Variants in SHROOM3 observed in about 807,000 individuals in gnomAD.
The protein encoded by SHROOM3 is shroom family member 3.
SHROOM3 carries 47 observed loss-of-function variants against 138.6 expected under a neutral mutation model. That is an observed-to-expected ratio of 0.34 (90% CI 0.27 to 0.43). The LOEUF (loss-of-function observed/expected upper bound fraction) is 0.43, where lower values mean the gene tolerates loss of function less well. Ranked by LOEUF, SHROOM3 falls within the 20% of genes least tolerant of loss-of-function variation. The pLI, the probability that SHROOM3 is intolerant of heterozygous loss-of-function variation, is 1.00. For missense variants in SHROOM3, 2,491 were observed against 2,596.5 expected (o/e 0.96, Z 0.88); for synonymous variants, 1,062 against 1,063.3 (o/e 1.00, Z 0.02).
At position 76,675,674 on chromosome 4, in the gene SHROOM3, A is replaced by C. The variant is rs145490172; in HGVS notation, c.324-34482A>C. ...GGAATTCAAGACCAGCCTAGGCAACATAGAGGCCCCATTTTTATAAAAAAT... is the reference window on the plus strand; with the variant it reads ...GGAATTCAAGACCAGCCTAGGCAACCTAGAGGCCCCATTTTTATAAAAAAT... On this transcript the variant is annotated intron_variant, in intron 2 of 10. Coordinates refer to ENST00000296043, the MANE Select transcript of SHROOM3 (RefSeq NM_020859.4). 3.3e-5 allele frequency among the ~76,000 whole-genome samples: 5 copies of C among 152,334 alleles called. No individual in the cohort carries two copies. In the East Asian group the frequency reaches 7.7e-4, roughly 23 times the overall value.
intron 2 of SHROOM3, among the ~76,000 whole-genome samples, chr4:76,646,225 A>AATAAATATATATAT (rs61374645): frequency 0.034 from 3,281 of 95,986 alleles, 146 homozygotes; most frequent in African/African-American, 0.044. Context: ...ATAATAAATA[A>AATAAATATATATAT]ATATATATAT....
intron 1 of SHROOM3, among the ~76,000 whole-genome samples, chr4:76,535,686 C>T (rs147883274): frequency 6.6e-6 from 1 of 152,230 alleles, no homozygotes. Flanking sequence ...CAGCCCCTCA[C>T]TTATGGTTCA....
chr4:76,716,498 T>C (rs1180438233), intron 3 of SHROOM3: 1 of 507,000 alleles, frequency 2.0e-6, no homozygotes, highest in Non-Finnish European at 4.0e-6. Context: ...GTCTTTTTGA[T>C]ATTGTGCTAT....
intron 1 of SHROOM3, among the ~76,000 whole-genome samples, chr4:76,487,611 C>T (rs1413785562): frequency 2.7e-5 from 4 of 150,126 alleles, no homozygotes; most frequent in Admixed American, 2.6e-4. Context: ...TTACAATCCC[C>T]ATCCATGTTG....
At chr4:76,574,950 C>T (rs192698750) in intron 2 of SHROOM3, among the ~76,000 whole-genome samples, 5 of 152,248 alleles carry the variant, frequency 3.3e-5, no homozygotes, top group East Asian at 1.9e-4. Context: ...CCTTAAAAAA[C>T]GGGTATACCA....
intron 2 of SHROOM3, among the ~76,000 whole-genome samples, chr4:76,674,517 CTCTT>C (rs1463038012): frequency 1.4e-5 from 2 of 147,712 alleles, no homozygotes; most frequent in Non-Finnish European, 3.0e-5. Context: ...TTTCTTCTCT[CTCTT>C]TCTCTTTCTT....
intron 2 of SHROOM3, among the ~76,000 whole-genome samples, chr4:76,574,090 A>C (rs556206889): frequency 6.6e-6 from 1 of 151,288 alleles, no homozygotes; most frequent in East Asian, 1.9e-4. Context: ...GAGAAATCAG[A>C]ACTTGGTCCT....
intron 1 of SHROOM3, among the ~76,000 whole-genome samples, chr4:76,466,291 A>G (rs1731248342): frequency 6.6e-6 from 1 of 152,262 alleles, no homozygotes; most frequent in Admixed American, 6.5e-5. Flanking sequence ...AGAGGGCATT[A>G]TCACAGCCTA....
rs1029097072 is a variant in SHROOM3, at chr4:76,724,471, T to C, written c.456-6333T>C. 2.0e-5 allele frequency among the ~76,000 whole-genome samples: 3 copies of C among 152,320 alleles called. No individual in the cohort carries two copies. The South Asian group carries it at 6.2e-4, about 32-fold the overall frequency. Reference sequence around the variant, plus strand: ...TTTTAACTCTCAAGCTACAGTGAATTGTATTTTCAAAATGAAAGACTATTT... The same window carrying C: ...TTTTAACTCTCAAGCTACAGTGAATCGTATTTTCAAAATGAAAGACTATTT... On this transcript the variant is annotated intron_variant, in intron 3 of 10. Coordinates refer to ENST00000296043, the MANE Select transcript of SHROOM3 (RefSeq NM_020859.4).
At chr4:76,629,135 C>T (rs913721421) in intron 2 of SHROOM3, among the ~76,000 whole-genome samples, 1 of 152,188 alleles carries the variant, frequency 6.6e-6, no homozygotes, top group African/African-American at 2.4e-5. Context: ...TGTGAACCAC[C>T]ACGCCCAGCT....
chr4:76,502,892 T>G (rs7696172), intron 1 of SHROOM3, among the ~76,000 whole-genome samples: 26,790 of 152,134 alleles, frequency 0.18, 2,746 homozygotes, highest in African/African-American at 0.27. Context: ...TTATTTAAAA[T>G]ATTCTCTTTT....
chr4:76,534,394 TTGTC>T (rs1319562433), intron 1 of SHROOM3, among the ~76,000 whole-genome samples: 2 of 152,186 alleles, frequency 1.3e-5, no homozygotes, highest in Non-Finnish European at 2.9e-5. Context: ...GGCGGATAAA[TTGTC>T]TGTTTAGTTG....
intron 2 of SHROOM3, among the ~76,000 whole-genome samples, chr4:76,660,826 A>G (rs1736168346): frequency 1.3e-5 from 2 of 151,778 alleles, no homozygotes; most frequent in South Asian, 4.2e-4. Context: ...TTTTTGAGAC[A>G]CAGTCTCACT....
chr4:76,698,961 C>A (rs1719826072), intron 2 of SHROOM3, among the ~76,000 whole-genome samples: 1 of 152,146 alleles, frequency 6.6e-6, no homozygotes, highest in Non-Finnish European at 1.5e-5. Flanking sequence ...TGTAGTTGCC[C>A]TTTTTAAGGA....
At position 76,720,152 on chromosome 4, in the gene SHROOM3, T is replaced by G. The variant is rs906356966; in HGVS notation, c.455+9865T>G. On this transcript the variant is annotated intron_variant, in intron 3 of 10. Transcript: ENST00000296043. ...AAGCCTTGGAAAAGTGTTTTTTAGG[T>G]TTTTTTTTTTTTTTTTTTTTTTTTT... Among the ~76,000 whole-genome samples, 20 of 17,388 alleles carry G rather than the reference T, an allele frequency of 1.2e-3. No individual in the cohort carries two copies. In the African/African-American group the frequency reaches 0.016, roughly 14 times the overall value. 11.4% of individuals were successfully genotyped at this position (17,388 alleles called of 152,430 possible). A position where few individuals can be genotyped will look rare whatever the true frequency, so the allele number is the denominator to read the frequency against.
At chr4:76,650,413 C>A (rs1227282244) in intron 2 of SHROOM3, among the ~76,000 whole-genome samples, 1 of 152,154 alleles carries the variant, frequency 6.6e-6, no homozygotes, top group Non-Finnish European at 1.5e-5. Context: ...ATCTACTATA[C>A]AATCTAGCAA....
At chr4:76,763,790 T>C (rs1722063605) in intron 9 of SHROOM3, among the ~76,000 whole-genome samples, 2 of 152,222 alleles carry the variant, frequency 1.3e-5, no homozygotes, top group Admixed American at 6.5e-5. Flanking sequence ...TGAATTTTCA[T>C]TGGTATCACT....
chr4:76,452,994 A>G (rs927324847), intron 1 of SHROOM3, among the ~76,000 whole-genome samples: 1 of 152,172 alleles, frequency 6.6e-6, no homozygotes, highest in African/African-American at 2.4e-5. Flanking sequence ...CTAGGATTAC[A>G]GGCGTGAGCC....
Position 76,746,929 on chromosome 4 carries a change from G to T in SHROOM3, c.3754-2088G>T, listed in dbSNP as rs149284928. Reference sequence around the variant, plus strand: ...CCTCCCGGGTTCACGCCATTCTCCTGCCTCAGCCTCCTGAGTAGCTCGGAC... The same window carrying T: ...CCTCCCGGGTTCACGCCATTCTCCTTCCTCAGCCTCCTGAGTAGCTCGGAC... On this transcript the variant is annotated intron_variant, in intron 5 of 10. Transcript: ENST00000296043. Among the ~76,000 whole-genome samples the T allele has an allele frequency of 9.9e-3, 1,500 of 151,874 alleles. 21 individuals are homozygous for T. Among genetic ancestry groups the T allele is most frequent in the African/African-American group, 0.033 (1,388 of 41,452 alleles).
Sources: allele counts gnomAD v4.1 joint callset (sites outside exome capture counted in the v4.1 genomes callset), GRCh38; gene constraint gnomAD v4.1.1; transcripts MANE v1.5; gene names NCBI Gene and HGNC (gene_info 2026-07-23, HGNC 2026-07-21).